TAS2R1: variants seen among roughly 807,000 people sequenced by gnomAD.
TAS2R1 encodes taste receptor type 2 member 1.
For synonymous variants in TAS2R1, 141 were observed against 134.2 expected (o/e 1.05, Z -0.35); for missense variants, 370 against 353.4 (o/e 1.05, Z -0.38).
chr5:9,773,069 G>C, the TAS2R1 span, among the ~76,000 whole-genome samples: 2 of 151,718 alleles, frequency 1.3e-5, no homozygotes, highest in Non-Finnish European at 2.9e-5. Flanking sequence ...GTTGTCTTGT[G>C]GTCTTCTTTT....
At chr5:9,787,687 G>C in the TAS2R1 span, among the ~76,000 whole-genome samples, 3 of 152,160 alleles carry the variant, frequency 2.0e-5, no homozygotes, top group Non-Finnish European at 4.4e-5. Flanking sequence ...TGCGTGCTAA[G>C]CAACCATGGG....
chr5:9,865,476 A>C, the TAS2R1 span, among the ~76,000 whole-genome samples: 1 of 151,984 alleles, frequency 6.6e-6, no homozygotes, highest in Non-Finnish European at 1.5e-5. Context: ...TATTCATTTC[A>C]TTTCCATTTT....
At chr5:9,731,819 G>T in the TAS2R1 span, among the ~76,000 whole-genome samples, 1 of 152,184 alleles carries the variant, frequency 6.6e-6, no homozygotes, top group Middle Eastern at 3.2e-3. Flanking sequence ...AGAAGCTTCT[G>T]GTGGGCAGGA....
chr5:9,653,410 A>G (rs1222054295), intron 2 of TAS2R1, among the ~76,000 whole-genome samples: 1 of 152,088 alleles, frequency 6.6e-6, no homozygotes, highest in East Asian at 1.9e-4. Flanking sequence ...TTATCCATTC[A>G]TTTGTTGATG....
the TAS2R1 span, among the ~76,000 whole-genome samples, chr5:9,730,410 T>C: frequency 4.6e-5 from 7 of 152,234 alleles, no homozygotes; most frequent in South Asian, 1.0e-3. Context: ...CTTTTGGAAA[T>C]AGATAGAAGG....
the TAS2R1 span, among the ~76,000 whole-genome samples, chr5:9,797,537 T>TA: frequency 8.0e-3 from 1,212 of 152,232 alleles, 11 homozygotes; most frequent in African/African-American, 0.028. Flanking sequence ...GTCTATAGAA[T>TA]AAAAATATCT....
At chr5:9,757,810 T>C in the TAS2R1 span, among the ~76,000 whole-genome samples, 1 of 152,174 alleles carries the variant, frequency 6.6e-6, no homozygotes, top group African/African-American at 2.4e-5. Context: ...TCAATTTAGT[T>C]GAACACAAAT....
At chr5:9,877,801 C>G in the TAS2R1 span, among the ~76,000 whole-genome samples, 1 of 152,198 alleles carries the variant, frequency 6.6e-6, no homozygotes, top group Non-Finnish European at 1.5e-5. Flanking sequence ...CCCACTGAGA[C>G]AGAAGTGTAA....
chr5:9,848,676 T>C, the TAS2R1 span, among the ~76,000 whole-genome samples: 5 of 152,204 alleles, frequency 3.3e-5, no homozygotes, highest in Non-Finnish European at 7.3e-5. Flanking sequence ...TCTACATATA[T>C]GAAAACAGCA....
chr5:9,704,735 A>C (rs1741565003), intron 1 of TAS2R1, among the ~76,000 whole-genome samples: 1 of 152,228 alleles, frequency 6.6e-6, no homozygotes, highest in Admixed American at 6.5e-5. Context: ...TCTTACTATC[A>C]GATTGCTAAA....
At chr5:9,902,899 G>C in the TAS2R1 span, 1 of 151,828 alleles carries the variant, frequency 6.6e-6, no homozygotes, top group African/African-American at 2.4e-5. Flanking sequence ...TCTTCAGCAG[G>C]TAGAAGGGAA....
the TAS2R1 span, among the ~76,000 whole-genome samples, chr5:9,810,982 A>C: frequency 2.0e-5 from 3 of 152,168 alleles, no homozygotes. Flanking sequence ...TTCCTATCGC[A>C]TGACCTCACG....
the TAS2R1 span, among the ~76,000 whole-genome samples, chr5:9,776,687 G>A: frequency 2.0e-5 from 3 of 152,176 alleles, no homozygotes; most frequent in East Asian, 1.9e-4. Flanking sequence ...GCTTAATGAC[G>A]TGGCTTCCTG....
At chr5:9,893,571 T>A in the TAS2R1 span, among the ~76,000 whole-genome samples, 1 of 152,128 alleles carries the variant, frequency 6.6e-6, no homozygotes, top group Non-Finnish European at 1.5e-5. Context: ...AGTAAATGCC[T>A]TTTTTACTGA....
the TAS2R1 span, among the ~76,000 whole-genome samples, chr5:9,742,456 A>G: frequency 1.9e-4 from 29 of 152,290 alleles, no homozygotes; most frequent in African/African-American, 6.7e-4. Context: ...CTAACATAGC[A>G]TTTAACAGCT....
chr5:9,631,563 C>G (rs765777423), upstream of TAS2R1, among the ~76,000 whole-genome samples: 4 of 152,180 alleles, frequency 2.6e-5, no homozygotes, highest in Non-Finnish European at 5.9e-5. Flanking sequence ...TTAGACAATT[C>G]ATCACCAGAG....
chr5:9,782,271 T>G, the TAS2R1 span, among the ~76,000 whole-genome samples: 1 of 152,242 alleles, frequency 6.6e-6, no homozygotes, highest in South Asian at 2.1e-4. Context: ...TTACAGGATC[T>G]CATAGTCCTC....
chr5:9,790,483 T>C, the TAS2R1 span, among the ~76,000 whole-genome samples: 1 of 152,192 alleles, frequency 6.6e-6, no homozygotes, highest in Non-Finnish European at 1.5e-5. Flanking sequence ...CACGGCTGTT[T>C]CCCGTCAACG....
chr5:9,849,853 T>C, the TAS2R1 span, among the ~76,000 whole-genome samples: 1 of 152,190 alleles, frequency 6.6e-6, no homozygotes, highest in Non-Finnish European at 1.5e-5. Flanking sequence ...CATCTTCCTC[T>C]ATACCTTTCA....
Sources: gnomAD v4.1 joint callset for allele counts (sites outside exome capture counted in the v4.1 genomes callset) on GRCh38, gnomAD v4.1.1 for gene constraint, MANE v1.5 for transcripts, NCBI Gene and HGNC (gene_info 2026-07-23, HGNC 2026-07-21) for gene names.